Variants in NAT10 observed in about 807,000 individuals in gnomAD.
NAT10 encodes RNA cytidine acetyltransferase.
NAT10 carries 109 observed loss-of-function variants against 132.2 expected under a neutral mutation model. The observed-to-expected ratio is 0.82, with a 90% CI of 0.71 to 0.97. NAT10 has a LOEUF of 0.97. NAT10 is among the 50% of genes least tolerant of loss of function. The pLI is 0.00. For synonymous variants in NAT10, 479 were observed against 478.0 expected (o/e 1.00, Z -0.03); for missense variants, 1,184 against 1,263.4 (o/e 0.94, Z 0.95).
chr11:34,142,238 A>C (rs1033151515), intron 26 of NAT10, 37 bp from the exon 27 acceptor site: 1 of 1,598,018 alleles, frequency 6.3e-7, no homozygotes, highest in Non-Finnish European at 8.6e-7. Flanking sequence ...TCAATCCTTG[A>C]CTCTGACTTA....
intron 11 of NAT10, 122 bp downstream of exon 11, chr11:34,124,522 G>T: frequency 3.1e-6 from 2 of 644,890 alleles, no homozygotes. Flanking sequence ...TTAGACAATG[G>T]TGGTGTTGTA....
chr11:34,117,891 G>A (rs1851811397), intron 6 of NAT10, among the ~76,000 whole-genome samples: 1 of 152,202 alleles, frequency 6.6e-6, no homozygotes, highest in Non-Finnish European at 1.5e-5. Flanking sequence ...GGAGGATGAG[G>A]AGAGGGCCAC....
chr11:34,108,939 G>C, intron 3 of NAT10, 106 bp downstream of exon 3: 1 of 920,936 alleles, frequency 1.1e-6, no homozygotes, highest in Non-Finnish European at 1.6e-6. Context: ...TTTAGTGGAG[G>C]TGCTATCTCT....
intron 12 of NAT10, among the ~76,000 whole-genome samples, chr11:34,129,870 A>G (rs1467316150): frequency 1.3e-5 from 2 of 151,966 alleles, no homozygotes; most frequent in Non-Finnish European, 2.9e-5. Context: ...CGGCCTCCCA[A>G]AGTGCTGGGA....
intron 6 of NAT10, among the ~76,000 whole-genome samples, 172 bp from the exon 7 acceptor site, chr11:34,118,008 C>A (rs543963067): frequency 3.3e-5 from 5 of 152,232 alleles, no homozygotes; most frequent in Admixed American, 3.3e-4. Context: ...TGTTCAGGTG[C>A]CTTGTGGAGG....
At chr11:34,129,589 T>C (rs1201759522) in intron 12 of NAT10, among the ~76,000 whole-genome samples, 1 of 144,152 alleles carries the variant, frequency 6.9e-6, no homozygotes, top group African/African-American at 2.6e-5. Flanking sequence ...TTCACTTTCT[T>C]CTTCTTCTTC....
rs948892049 is a variant in NAT10 at position 34,140,575 on chromosome 11, A to G, written c.2592+3A>G. On this transcript the variant is annotated splice_donor_region_variant and intron_variant, in intron 24 of 28. Transcript: ENST00000257829. Reference sequence around the variant, plus strand: ...TGGCCCTGTCTGCGGCTCAGTCGGTATGCTATCTGTTGCTTGCGTGGAGGA... The same window carrying G: ...TGGCCCTGTCTGCGGCTCAGTCGGTGTGCTATCTGTTGCTTGCGTGGAGGA... 4.3e-6 allele frequency: 7 copies of G among 1,612,896 alleles called. No individual in the cohort carries two copies. The highest frequency in any genetic ancestry group is 5.9e-6 in the Non-Finnish European group (7 of 1,179,096).
chr11:34,112,286 G>A (rs1370148866), intron 4 of NAT10, 63 bp downstream of exon 4: 2 of 1,585,380 alleles, frequency 1.3e-6, no homozygotes, highest in Non-Finnish European at 1.7e-6. Context: ...GGGCTGCCTG[G>A]CTTTCCACTG....
intron 8 of NAT10, among the ~76,000 whole-genome samples, chr11:34,119,812 TAGAAAC>T (rs1851856103): frequency 6.6e-6 from 1 of 152,216 alleles, no homozygotes; most frequent in Non-Finnish European, 1.5e-5. Flanking sequence ...TTTCCACTGT[TAGAAAC>T]AGTGCTCTTA....
intron 28 of NAT10, among the ~76,000 whole-genome samples, chr11:34,144,203 G>A (rs1852393153): frequency 6.6e-6 from 1 of 152,142 alleles, no homozygotes; most frequent in South Asian, 2.1e-4. Context: ...GGGAGGCCGA[G>A]GTAGGAGGAT....
intron 10 of NAT10, 102 bp downstream of exon 10, chr11:34,123,957 G>A: frequency 2.3e-6 from 2 of 873,674 alleles, no homozygotes; most frequent in Middle Eastern, 2.7e-4. Context: ...ATCACCTGAG[G>A]TCGGGAGTTG....
In NAT10 at chr11:34,118,231, G is replaced by A. The variant is rs35750837; in HGVS notation, c.609G>A (p.Gln203=). The A allele has an allele frequency of 1.1e-3, 1,820 of 1,614,180 alleles. 12 individuals carry two copies. The African/African-American group carries it at 0.021, about 18-fold the overall frequency. The change falls in exon 7 of 29, where the codon CAG becomes CAA. Residue 203 remains glutamine, a synonymous_variant. Transcript: ENST00000257829. ...AGAAGTGTCTCGTCATTGATGACCA[G>A]CTCAACATCCTGCCCATCTCCTCCC... ...SCKKCLVIDD[Q]LNILPISSHV... is the part of the protein sequence containing the mutation.
At chr11:34,106,289 T>C (rs1851593512) in intron 1 of NAT10, 1 of 152,302 alleles carries the variant, frequency 6.6e-6, no homozygotes, top group African/African-American at 2.4e-5. Context: ...AGATGTTATG[T>C]GTAGATAGAC....
At position 34,111,062 on chromosome 11, in the gene NAT10, A is replaced by G. The variant is rs76308865; in HGVS notation, c.201-990A>G. ...GTTTTTAGGGCTTCTGGTTTTCACT[A>G]TTTTTCATTTGGCAAATATGAGATG... On this transcript the variant is annotated intron_variant, in intron 3 of 28. Coordinates refer to ENST00000257829, the MANE Select transcript of NAT10 (RefSeq NM_024662.3). 8.1e-3 allele frequency among the ~76,000 whole-genome samples: 1,227 copies of G among 152,196 alleles called. 19 individuals are homozygous for G. The highest frequency in any genetic ancestry group is 0.028 in the African/African-American group (1,148 of 41,520).
chr11:34,112,531 C>T (rs554920752), intron 4 of NAT10, among the ~76,000 whole-genome samples: 2 of 152,338 alleles, frequency 1.3e-5, no homozygotes, highest in African/African-American at 4.8e-5. Context: ...GCCTCTAGGA[C>T]CCTAGGTCCT....
In NAT10 at chr11:34,127,552, G is replaced by C; in HGVS notation, c.1197G>C (p.Lys399Asn). The part of the protein sequence containing the change: ...EAAAIPLPLV[K>N]SLLGPYLVFM... ...CCGCCATCCCCCTCCCCTTGGTGAA[G>C]AGCCTACTTGGCCCCTACCTTGTTT... is the stretch of plus-strand genomic sequence containing the variant. The change falls in exon 12 of 29, where the codon AAG (lysine) becomes AAC (asparagine). Residue 399 changes from lysine (K) to asparagine (N), a missense_variant. Lys to Asn is a moderately conservative substitution (Grantham distance 94). Transcript: ENST00000257829. 1 of 1,614,132 alleles carries C rather than the reference G, an allele frequency of 6.2e-7. No individual in the cohort carries two copies.
In NAT10 at chr11:34,127,567, C is replaced by T. The variant is rs886097670; in HGVS notation, c.1212C>T (p.Pro404=). ...CCTTGGTGAAGAGCCTACTTGGCCCCTACCTTGTTTTCATGGCATCCACCA... is the reference window on the plus strand; with the variant it reads ...CCTTGGTGAAGAGCCTACTTGGCCCTTACCTTGTTTTCATGGCATCCACCA... ...PLPLVKSLLG[P]YLVFMASTIN... The change falls in exon 12 of 29, where the codon CCC becomes CCT. Residue 404 remains proline, a synonymous_variant. Coordinates refer to ENST00000257829, the MANE Select transcript of NAT10 (RefSeq NM_024662.3). The T allele has an allele frequency of 6.2e-7, 1 of 1,613,624 alleles. No individual in the cohort carries two copies. Among genetic ancestry groups the T allele is most frequent in the Non-Finnish European group, 8.5e-7 (1 of 1,179,532 alleles).
chr11:34,113,345 G>A (rs16925183), intron 4 of NAT10, among the ~76,000 whole-genome samples: 15,552 of 150,948 alleles, frequency 0.1, 863 homozygotes, highest in African/African-American at 0.15. Flanking sequence ...TAAGAGACCC[G>A]TTTTTGGCAT....
chr11:34,141,871 G>T lies in NAT10; in HGVS notation c.2811+54G>T, dbSNP rs531350368. ...CCCAGCATTTCCATCAGTTGCCTTAGGCTGTGAATTCAGACTGTCTTCCCC... is the reference window on the plus strand; with the variant it reads ...CCCAGCATTTCCATCAGTTGCCTTATGCTGTGAATTCAGACTGTCTTCCCC... On this transcript the variant is annotated intron_variant, in intron 26 of 28. Transcript: ENST00000257829. The T allele has an allele frequency of 2.1e-6, 3 of 1,456,590 alleles. No individual in the cohort carries two copies. The East Asian group carries it at 6.8e-5, about 33-fold the overall frequency. The allele number at this position is 1,456,590 out of a possible 1,614,324, so 90.2% of individuals were successfully genotyped here.
Sources: allele counts gnomAD v4.1 joint callset (sites outside exome capture counted in the v4.1 genomes callset), GRCh38; gene constraint gnomAD v4.1.1; transcripts MANE v1.5; gene names NCBI Gene and HGNC (gene_info 2026-07-23, HGNC 2026-07-21).